SHISA9: variants seen among roughly 807,000 people sequenced by gnomAD.
SHISA9 encodes shisa family member 9.
In SHISA9, 13 loss-of-function variants were observed where a neutral mutation model predicts 38.0. That is an observed-to-expected ratio of 0.34 (90% CI 0.22 to 0.54). The LOEUF (loss-of-function observed/expected upper bound fraction) is 0.54. SHISA9 is among the 20% of genes least tolerant of loss of function. The pLI, the probability that SHISA9 is intolerant of heterozygous loss-of-function variation, is 0.91. For synonymous variants in SHISA9, 275 were observed against 242.0 expected (o/e 1.14, Z -1.27); for missense variants, 538 against 575.8 (o/e 0.93, Z 0.67).
chr16:13,257,563 G>A, the SHISA9 span, among the ~76,000 whole-genome samples: 1 of 152,100 alleles, frequency 6.6e-6, no homozygotes, highest in Non-Finnish European at 1.5e-5. Context: ...ATCTTATTTT[G>A]ATCACCCCCT....
intron 2 of SHISA9, among the ~76,000 whole-genome samples, chr16:13,195,864 G>A (rs986358046): frequency 1.3e-5 from 2 of 151,788 alleles, no homozygotes; most frequent in Admixed American, 1.3e-4. Context: ...GAGGCAGGCA[G>A]ATCACCTGAG....
intron 2 of SHISA9, among the ~76,000 whole-genome samples, chr16:13,058,696 C>G (rs1397787968): frequency 6.6e-6 from 1 of 151,948 alleles, no homozygotes; most frequent in East Asian, 1.9e-4. Flanking sequence ...TGTACAGGTT[C>G]AGGGCTGCCA....
the SHISA9 span, among the ~76,000 whole-genome samples, chr16:13,267,582 A>G: frequency 6.6e-6 from 1 of 152,222 alleles, no homozygotes; most frequent in African/African-American, 2.4e-5. Flanking sequence ...TTCTGTATTA[A>G]AAACTCTGTG....
At chr16:13,053,064 A>G (rs1257425723) in intron 2 of SHISA9, among the ~76,000 whole-genome samples, 2 of 149,224 alleles carry the variant, frequency 1.3e-5, no homozygotes, top group African/African-American at 5.0e-5. Context: ...GCCAGGTTCA[A>G]GCAATTCTCA....
chr16:13,354,881 T>A, the SHISA9 span, among the ~76,000 whole-genome samples: 3 of 151,860 alleles, frequency 2.0e-5, no homozygotes, highest in East Asian at 5.8e-4. Context: ...TAGGTAACAG[T>A]TGAGGAAAAA....
the SHISA9 span, among the ~76,000 whole-genome samples, chr16:13,410,698 T>C: frequency 1.3e-5 from 2 of 152,198 alleles, no homozygotes; most frequent in African/African-American, 4.8e-5. Context: ...TTATATAACA[T>C]TGGGAGATCT....
the SHISA9 span, among the ~76,000 whole-genome samples, chr16:13,282,276 T>C: frequency 6.6e-6 from 1 of 151,990 alleles, no homozygotes; most frequent in Admixed American, 6.6e-5. Flanking sequence ...TATAGACTTT[T>C]TGATTGCCAA....
intron 2 of SHISA9, among the ~76,000 whole-genome samples, chr16:12,980,535 A>G (rs1490833012): frequency 6.6e-6 from 1 of 150,808 alleles, no homozygotes; most frequent in African/African-American, 2.4e-5. Flanking sequence ...TGTGTTTTTA[A>G]TAGTTTCTGA....
intron 2 of SHISA9, among the ~76,000 whole-genome samples, chr16:13,159,681 G>C (rs966916488): frequency 6.6e-6 from 1 of 152,158 alleles, no homozygotes; most frequent in Non-Finnish European, 1.5e-5. Context: ...AGTTCCATAG[G>C]TTCCAGATAT....
At chr16:12,971,152 G>C (rs1001046635) in intron 2 of SHISA9, among the ~76,000 whole-genome samples, 3 of 152,154 alleles carry the variant, frequency 2.0e-5, no homozygotes, top group Non-Finnish European at 4.4e-5. Flanking sequence ...TAATTTTCCA[G>C]CCTAAACTTC....
chr16:13,190,475 C>G (rs2142040507), intron 2 of SHISA9, among the ~76,000 whole-genome samples: 1 of 152,322 alleles, frequency 6.6e-6, no homozygotes, highest in East Asian at 1.9e-4. Context: ...CAAAATGGAA[C>G]TCCTCCTCTT....
At chr16:13,287,497 G>A in the SHISA9 span, among the ~76,000 whole-genome samples, 1 of 152,182 alleles carries the variant, frequency 6.6e-6, no homozygotes, top group African/African-American at 2.4e-5. Flanking sequence ...TTTTTAGATA[G>A]AATAGATGTT....
chr16:13,479,611 A>G, the SHISA9 span, among the ~76,000 whole-genome samples: 1 of 152,294 alleles, frequency 6.6e-6, no homozygotes, highest in Non-Finnish European at 1.5e-5. Context: ...TACTTTCATT[A>G]TTCACCTGTT....
At chr16:13,096,399 G>A (rs1334332843) in intron 2 of SHISA9, among the ~76,000 whole-genome samples, 2 of 146,002 alleles carry the variant, frequency 1.4e-5, no homozygotes, top group African/African-American at 2.5e-5. Context: ...GGGAAGCCAA[G>A]TGGTTAAAGC....
chr16:13,050,917 C>T (rs2073243874), intron 2 of SHISA9, among the ~76,000 whole-genome samples: 1 of 152,226 alleles, frequency 6.6e-6, no homozygotes, highest in African/African-American at 2.4e-5. Context: ...AACCCCTATG[C>T]ATAGAAGCAG....
chr16:13,119,336 G>T (rs1191536405), intron 2 of SHISA9, among the ~76,000 whole-genome samples: 1 of 152,170 alleles, frequency 6.6e-6, no homozygotes, highest in Admixed American at 6.5e-5. Context: ...TGAATACACT[G>T]TTCCTTTTAA....
chr16:13,414,555 CAT>C, the SHISA9 span, among the ~76,000 whole-genome samples: 1 of 151,768 alleles, frequency 6.6e-6, no homozygotes, highest in Non-Finnish European at 1.5e-5. Flanking sequence ...CTGGCTATGT[CAT>C]ATAGCTAGGA....
chr16:13,320,534 A>C, the SHISA9 span, among the ~76,000 whole-genome samples: 1 of 152,168 alleles, frequency 6.6e-6, no homozygotes, highest in East Asian at 1.9e-4. Flanking sequence ...CAAGAGCCAC[A>C]CATAAAGGAA....
At chr16:13,522,037 G>A in the SHISA9 span, among the ~76,000 whole-genome samples, 3 of 152,218 alleles carry the variant, frequency 2.0e-5, no homozygotes, top group South Asian at 2.1e-4. Context: ...CAACAGCAAC[G>A]AACTTGACAG....
Sources: allele counts gnomAD v4.1 joint callset (sites outside exome capture counted in the v4.1 genomes callset), GRCh38; gene constraint gnomAD v4.1.1; transcripts MANE v1.5; gene names NCBI Gene and HGNC (gene_info 2026-07-23, HGNC 2026-07-21).